Variants in GPC5 observed in about 807,000 individuals in gnomAD.
The protein encoded by GPC5 is glypican-5.
GPC5 carries 47 observed loss-of-function variants against 53.9 expected under a neutral mutation model. The observed-to-expected ratio is 0.87, with a 90% CI of 0.69 to 1.11. The LOEUF (loss-of-function observed/expected upper bound fraction) is 1.11. Among genes scored for constraint, GPC5 ranks in the 50% most tolerant of loss-of-function variants. The pLI is 0.00. For missense variants in GPC5, 748 were observed against 713.1 expected (o/e 1.05, Z -0.56); for synonymous variants, 286 against 263.3 (o/e 1.09, Z -0.84).
chr13:91,661,275 A>G (rs1180333177), intron 2 of GPC5, among the ~76,000 whole-genome samples: 1 of 152,216 alleles, frequency 6.6e-6, no homozygotes, highest in Non-Finnish European at 1.5e-5. Context: ...TGGAATGACT[A>G]TTTGAGCAGA....
chr13:92,385,782 T>TA (rs199814375), intron 7 of GPC5, among the ~76,000 whole-genome samples: 1 of 117,766 alleles, frequency 8.5e-6, no homozygotes, highest in South Asian at 2.4e-4. Context: ...TATACATATA[T>TA]GTATATATAT....
At chr13:91,858,346 T>C (rs1047488234) in intron 5 of GPC5, among the ~76,000 whole-genome samples, 1 of 151,880 alleles carries the variant, frequency 6.6e-6, no homozygotes, top group Admixed American at 6.6e-5. Flanking sequence ...GTTCTTTCTA[T>C]ACAGTTTTTT....
intron 7 of GPC5, among the ~76,000 whole-genome samples, chr13:92,256,206 TACTG>T (rs2042724984): frequency 6.6e-6 from 1 of 151,838 alleles, no homozygotes. Context: ...GTAGTATAAT[TACTG>T]ACACATGGAA....
chr13:92,846,950 G>A (rs963760281), intron 7 of GPC5, among the ~76,000 whole-genome samples: 16 of 152,168 alleles, frequency 1.1e-4, no homozygotes, highest in African/African-American at 3.9e-4. Flanking sequence ...ACACCTCAAA[G>A]TTTGCCCTCT....
At chr13:91,648,549 T>G (rs2034617039) in intron 2 of GPC5, among the ~76,000 whole-genome samples, 1 of 152,124 alleles carries the variant, frequency 6.6e-6, no homozygotes, top group South Asian at 2.1e-4. Context: ...TTATTTTATT[T>G]TATAACATAT....
At position 92,188,500 on chromosome 13, in the gene GPC5, GAATA is replaced by G. The variant is rs1453798004; in HGVS notation, c.1561+43516_1561+43519del. On this transcript the variant is annotated intron_variant, in intron 7 of 7. Coordinates refer to ENST00000377067, the MANE Select transcript of GPC5 (RefSeq NM_004466.6). ...TTATTTATTTTGTACCCTTGATTTT[GAATA>G]AATAGTTTTACTCCTATTCACTAAA... 4.6e-5 allele frequency among the ~76,000 whole-genome samples: 7 copies of G among 152,040 alleles called. No individual in the cohort carries two copies. In the South Asian group the frequency reaches 8.3e-4, roughly 18 times the overall value.
chr13:92,810,370 G>A (rs996679996), intron 7 of GPC5, among the ~76,000 whole-genome samples: 3 of 151,746 alleles, frequency 2.0e-5, no homozygotes, highest in Non-Finnish European at 4.4e-5. Flanking sequence ...CAATGAAAAC[G>A]TTAATTTTAA....
chr13:92,052,357 CAGACCCAAAGAGTG>C (rs2041037086), intron 6 of GPC5, among the ~76,000 whole-genome samples: 1 of 152,134 alleles, frequency 6.6e-6, no homozygotes, highest in African/African-American at 2.4e-5. Flanking sequence ...AAAGGTGGCA[CAGACCCAAAGAGTG>C]AGCAGCGGCA....
chr13:92,622,016 T>C (rs184041609), intron 7 of GPC5, among the ~76,000 whole-genome samples: 34 of 152,316 alleles, frequency 2.2e-4, no homozygotes, highest in Admixed American at 1.9e-3. Context: ...ACTAATGCTT[T>C]CAGTACCTTC....
At chr13:91,520,237 G>A (rs368400580) in intron 2 of GPC5, among the ~76,000 whole-genome samples, 3 of 152,272 alleles carry the variant, frequency 2.0e-5, no homozygotes, top group African/African-American at 7.2e-5. Context: ...GGTTATAGAG[G>A]TTTAAATGAT....
intron 6 of GPC5, among the ~76,000 whole-genome samples, chr13:92,065,881 T>C (rs981178497): frequency 1.3e-5 from 2 of 152,096 alleles, no homozygotes; most frequent in African/African-American, 4.8e-5. Context: ...TTAAGTTCCA[T>C]GGTGTTTTGC....
chr13:92,398,428 C>CAAAAAAAAAAAAAAAAAAAAAAA (rs35873316), intron 7 of GPC5, among the ~76,000 whole-genome samples: 40 of 87,614 alleles, frequency 4.6e-4, no homozygotes, highest in Middle Eastern at 6.0e-3. Flanking sequence ...GACTCCGTCT[C>CAAAAAAAAAAAAAAAAAAAAAAA]AAAAAAAAAA....
chr13:91,548,827 G>A (rs150614604), intron 2 of GPC5, among the ~76,000 whole-genome samples: 60 of 152,326 alleles, frequency 3.9e-4, no homozygotes, highest in Non-Finnish European at 7.8e-4. Flanking sequence ...TTTGGTGAAT[G>A]AGCAAAGACA....
chr13:91,982,023 C>T (rs1239423573), intron 6 of GPC5, among the ~76,000 whole-genome samples: 1 of 152,132 alleles, frequency 6.6e-6, no homozygotes, highest in African/African-American at 2.4e-5. Flanking sequence ...AGGTTCCTCG[C>T]TTGCTGTGGT....
chr13:91,526,363 G>T (rs1320799552), intron 2 of GPC5, among the ~76,000 whole-genome samples: 1 of 152,128 alleles, frequency 6.6e-6, no homozygotes, highest in African/African-American at 2.4e-5. Context: ...GGTAGGGAAG[G>T]GTGATGAGAC....
intron 2 of GPC5, among the ~76,000 whole-genome samples, chr13:91,673,791 CAT>C (rs1254784578): frequency 6.6e-6 from 1 of 152,118 alleles, no homozygotes; most frequent in Admixed American, 6.6e-5. Context: ...ATTATAGAAA[CAT>C]AATTTAATAT....
chr13:92,440,362 T>G (rs1877497373), intron 7 of GPC5, among the ~76,000 whole-genome samples: 1 of 152,188 alleles, frequency 6.6e-6, no homozygotes, highest in Non-Finnish European at 1.5e-5. Context: ...TGTTTGGTTT[T>G]TCTGTTCTTG....
rs536318667 is a variant in GPC5 at position 91,532,936 on chromosome 13, T to C, written c.325+84014T>C. Among the ~76,000 whole-genome samples, 9 of 152,266 alleles carry C rather than the reference T, an allele frequency of 5.9e-5. No homozygotes were observed. The South Asian group carries it at 8.3e-4, about 14-fold the overall frequency. On this transcript the variant is annotated intron_variant, in intron 2 of 7. Coordinates refer to ENST00000377067, the MANE Select transcript of GPC5 (RefSeq NM_004466.6). ...ACCTAATGGAGAAGAATGGAAAATA[T>C]GGCTTATGTATATTTTCAGTTCTCA...
intron 6 of GPC5, among the ~76,000 whole-genome samples, chr13:92,028,984 A>G (rs1440777407): frequency 6.6e-6 from 1 of 152,202 alleles, no homozygotes; most frequent in African/African-American, 2.4e-5. Flanking sequence ...ACCTGGCTTC[A>G]CTAGTACAAC....
Sources: allele counts gnomAD v4.1 joint callset (sites outside exome capture counted in the v4.1 genomes callset), GRCh38; gene constraint gnomAD v4.1.1; transcripts MANE v1.5; gene names NCBI Gene and HGNC (gene_info 2026-07-23, HGNC 2026-07-21).